Variants in NTAQ1 observed in about 807,000 individuals in gnomAD.
NTAQ1 encodes protein N-terminal glutamine amidohydrolase.
NTAQ1 carries 21 observed loss-of-function variants against 28.2 expected under a neutral mutation model. That is an observed-to-expected ratio of 0.74 (90% CI 0.53 to 1.07). The LOEUF (loss-of-function observed/expected upper bound fraction) is 1.07. Among genes scored for constraint, NTAQ1 ranks in the 50% least tolerant of loss-of-function variants. The probability of loss-of-function intolerance (pLI) is 0.00; values close to 1 mark genes in which losing one functional copy is unlikely to be tolerated. For missense variants in NTAQ1, 264 were observed against 256.6 expected, an observed-to-expected ratio of 1.03 and a Z score of -0.20; for synonymous variants, 105 against 90.0, an observed-to-expected ratio of 1.17 and a Z score of -0.94.
chr8:123,441,479 G>T lies in NTAQ1; in HGVS notation c.*64G>T. 7.8e-7 allele frequency: 1 copy of T among 1,285,306 alleles called. No homozygotes were observed. The highest frequency in any genetic ancestry group is 1.1e-6 in the Non-Finnish European group (1 of 895,394). The allele number at this position is 1,285,306 out of a possible 1,614,324, so 79.6% of individuals were successfully genotyped here. On this transcript the variant is annotated 3_prime_UTR_variant, in exon 6 of 6. Coordinates refer to ENST00000287387, the MANE Select transcript of NTAQ1 (RefSeq NM_018024.3). ...GACATGAACAAGCTATCCTTTCATC[G>T]AGGACAGCAAACATTATGGTACAGT...
chr8:123,428,094 A>AG, intron 2 of NTAQ1, 71 bp downstream of exon 2: 2 of 1,100,640 alleles, frequency 1.8e-6, no homozygotes, highest in South Asian at 1.5e-5. Flanking sequence ...ATTAAAAAAA[A>AG]AAAAGCTAAA....
At chr8:123,440,964 G>A (rs993465477) in intron 5 of NTAQ1, among the ~76,000 whole-genome samples, 4 of 152,110 alleles carry the variant, frequency 2.6e-5, no homozygotes, top group African/African-American at 9.7e-5. Context: ...TAGACCCACC[G>A]CTTCTTGGTG....
chr8:123,433,029 C>T (rs11786724), intron 3 of NTAQ1, among the ~76,000 whole-genome samples: 1 of 151,934 alleles, frequency 6.6e-6, no homozygotes. Context: ...TGCCTATAGT[C>T]CTTCTATCTT....
chr8:123,449,929 A>ATATGTGTGTGTGTG (rs1554657623), downstream of NTAQ1, among the ~76,000 whole-genome samples: 2 of 66,676 alleles, frequency 3.0e-5, no homozygotes, highest in African/African-American at 1.1e-4. Context: ...GTATATATAT[A>ATATGTGTGTGTGTG]TGTGTGTGTG....
intron 1 of NTAQ1, among the ~76,000 whole-genome samples, chr8:123,422,682 C>T (rs1199480142): frequency 2.0e-5 from 3 of 149,276 alleles, no homozygotes; most frequent in Non-Finnish European, 4.4e-5. Context: ...TTTTTGTTGC[C>T]GTTGCTTTTG....
At chr8:123,420,471 A>G (rs1425749333) in intron 1 of NTAQ1, among the ~76,000 whole-genome samples, 1 of 152,034 alleles carries the variant, frequency 6.6e-6, no homozygotes, top group Non-Finnish European at 1.5e-5. Context: ...TTCTGTTTCA[A>G]GTTCTTTGAA....
In NTAQ1 at chr8:123,416,895, C is replaced by G; in HGVS notation, c.46C>G (p.Pro16Ala). 6.6e-7 allele frequency: 1 copy of G among 1,526,538 alleles called. No homozygotes were observed. Among genetic ancestry groups the G allele is most frequent in the South Asian group, 1.2e-5 (1 of 81,614 alleles). The allele number at this position is 1,526,538 out of a possible 1,614,324, so 94.6% of individuals were successfully genotyped here. ...TGCTGTCCACTACCAGCCGGCCAGC[C>G]CCCCGCGGGACGCCTGCGTCTACAG... The part of the protein sequence containing the change: ...PAAVHYQPAS[P>A]PRDACVYSSC... Residue 16 changes from proline (P) to alanine (A), a missense_variant, in exon 1 of 6, where the codon CCC becomes GCC. Physicochemically the swap from Pro to Ala is conservative, Grantham distance 27. Coordinates refer to ENST00000287387, the MANE Select transcript of NTAQ1 (RefSeq NM_018024.3).
chr8:123,437,192 A>G lies in NTAQ1; in HGVS notation c.384-18A>G, dbSNP rs767592096. On this transcript the variant is annotated intron_variant, in intron 4 of 5. Transcript: ENST00000287387. ...CATGACATCTCCCTAATGTGAGTGT[A>G]TATTGATTTTTCTGCAGGAAATTTA... 27 of 1,613,398 alleles carry G rather than the reference A, an allele frequency of 1.7e-5. No homozygotes were observed. The highest frequency in any genetic ancestry group is 1.6e-4 in the African/African-American group (12 of 75,022).
chr8:123,422,923 T>C (rs1053914791), intron 1 of NTAQ1, among the ~76,000 whole-genome samples: 5 of 152,206 alleles, frequency 3.3e-5, no homozygotes, highest in Non-Finnish European at 7.3e-5. Flanking sequence ...TGCTTGTTAT[T>C]GGACTTTGTT....
At chr8:123,449,103 T>C (rs1815388951), downstream of NTAQ1, among the ~76,000 whole-genome samples, 1 of 152,170 alleles carries the variant, frequency 6.6e-6, no homozygotes, top group Non-Finnish European at 1.5e-5. Flanking sequence ...GGGGGCCCCA[T>C]GTGGCTCTGT....
At chr8:123,428,254 G>A (rs1160969619) in intron 2 of NTAQ1, among the ~76,000 whole-genome samples, 1 of 152,108 alleles carries the variant, frequency 6.6e-6, no homozygotes, top group Non-Finnish European at 1.5e-5. Flanking sequence ...GGAGTGCAGT[G>A]GCGTGATTCT....
At chr8:123,431,550 T>A (rs1814395783) in intron 3 of NTAQ1, among the ~76,000 whole-genome samples, 2 of 152,204 alleles carry the variant, frequency 1.3e-5, no homozygotes, top group South Asian at 4.1e-4. Flanking sequence ...ATCCCTGACC[T>A]CACAGAGCTG....
chr8:123,441,202 C>G (rs1357086304), intron 5 of NTAQ1, 104 bp from the exon 6 acceptor site: 1 of 797,680 alleles, frequency 1.3e-6, no homozygotes, highest in Non-Finnish European at 2.0e-6. Flanking sequence ...GAGCCCTTAT[C>G]CATTTGAATA....
chr8:123,474,942 C>G (rs142003703), downstream of NTAQ1, among the ~76,000 whole-genome samples: 7 of 152,252 alleles, frequency 4.6e-5, no homozygotes, highest in Non-Finnish European at 7.4e-5. Context: ...TACCTTCACC[C>G]ACTAGTTTTA....
chr8:123,454,325 GCTCC>G (rs2130390662), intron 6 of NTAQ1, among the ~76,000 whole-genome samples: 1 of 152,110 alleles, frequency 6.6e-6, no homozygotes, highest in South Asian at 2.1e-4. Context: ...TGCTATAATT[GCTCC>G]CTTGATAATA....
chr8:123,455,945 T>A (rs1171305242), intron 6 of NTAQ1, among the ~76,000 whole-genome samples: 2 of 152,214 alleles, frequency 1.3e-5, no homozygotes, highest in Non-Finnish European at 2.9e-5. Flanking sequence ...AGGAACTGTA[T>A]CTCAGCCCAT....
At chr8:123,439,345 G>T (rs1294200365) in intron 5 of NTAQ1, among the ~76,000 whole-genome samples, 1 of 139,390 alleles carries the variant, frequency 7.2e-6, no homozygotes, top group Admixed American at 7.2e-5. Context: ...CACCTGGCTA[G>T]TTTTTTTTTT....
intron 6 of NTAQ1, among the ~76,000 whole-genome samples, chr8:123,460,123 C>T (rs1345592415): frequency 6.6e-6 from 1 of 152,014 alleles, no homozygotes; most frequent in Non-Finnish European, 1.5e-5. Context: ...TTTTATTTCA[C>T]AGCAGATATC....
chr8:123,442,095 A>T lies in NTAQ1; in HGVS notation c.*680A>T, dbSNP rs1018128514. 2 of 152,488 alleles carry T rather than the reference A, an allele frequency of 1.3e-5. No individual in the cohort carries two copies. Among genetic ancestry groups the T allele is most frequent in the African/African-American group, 4.8e-5 (2 of 41,448 alleles). The allele number at this position is 152,488 out of a possible 1,614,324, so 9.4% of individuals were successfully genotyped here. On this transcript the variant is annotated 3_prime_UTR_variant, in exon 6 of 6. Coordinates refer to ENST00000287387, the MANE Select transcript of NTAQ1 (RefSeq NM_018024.3). ...AAATATGCCTCAATTGTAGATGAGA[A>T]CCAGGGCTTTAAAAAATATTTATTA...
Sources: gnomAD v4.1 joint callset for allele counts (sites outside exome capture counted in the v4.1 genomes callset) on GRCh38, gnomAD v4.1.1 for gene constraint, MANE v1.5 for transcripts, NCBI Gene and HGNC (gene_info 2026-07-23, HGNC 2026-07-21) for gene names.